CYTIP: variants seen among roughly 807,000 people sequenced by gnomAD.
The protein encoded by CYTIP is cytohesin 1 interacting protein.
A neutral mutation model predicts 43.8 loss-of-function variants in CYTIP; 26 were observed. That is an observed-to-expected ratio of 0.59 (90% CI 0.44 to 0.82). The LOEUF (loss-of-function observed/expected upper bound fraction) is 0.82. Ranked by LOEUF, CYTIP falls within the 40% of genes least tolerant of loss-of-function variation. The pLI is 0.00. For synonymous variants in CYTIP, 162 were observed against 162.9 expected (o/e 0.99, Z 0.04); for missense variants, 426 against 443.1 (o/e 0.96, Z 0.35).
intron 5 of CYTIP, 143 bp from the exon 6 acceptor site, chr2:157,427,563 G>T (rs1685633596): frequency 4.0e-6 from 2 of 505,024 alleles, no homozygotes; most frequent in Admixed American, 4.2e-5. Flanking sequence ...CAGTTCTCAT[G>T]GCACTTCGAG....
intron 7 of CYTIP, 43 bp from the exon 8 acceptor site, chr2:157,416,186 C>T: frequency 6.8e-7 from 1 of 1,465,330 alleles, no homozygotes; most frequent in Non-Finnish European, 9.3e-7. Flanking sequence ...GTTCATTACT[C>T]CCTACAAATA....
At chr2:157,421,112 G>A (rs889800991) in intron 6 of CYTIP, among the ~76,000 whole-genome samples, 1 of 152,186 alleles carries the variant, frequency 6.6e-6, no homozygotes, top group Non-Finnish European at 1.5e-5. Context: ...CTGTAACCAA[G>A]CTTCCCTATT....
chr2:157,417,673 C>T (rs1685457772), intron 7 of CYTIP, among the ~76,000 whole-genome samples: 1 of 150,644 alleles, frequency 6.6e-6, no homozygotes, highest in Non-Finnish European at 1.5e-5. Context: ...GTAACTTGTA[C>T]ATAAGTTTCA....
intron 1 of CYTIP, 45 bp from the exon 2 acceptor site, chr2:157,434,792 T>C (rs748830801): frequency 2.8e-6 from 4 of 1,404,526 alleles, no homozygotes; most frequent in Non-Finnish European, 4.0e-6. Flanking sequence ...GTCTTCAAGA[T>C]ACACTGTAAA....
chr2:157,439,632 A>C (rs1163307569), intron 1 of CYTIP, among the ~76,000 whole-genome samples: 2 of 152,230 alleles, frequency 1.3e-5, no homozygotes, highest in Non-Finnish European at 2.9e-5. Context: ...AATTCACAGC[A>C]TATGCTGGCA....
intron 7 of CYTIP, 140 bp from the exon 8 acceptor site, chr2:157,416,283 A>G: frequency 1.4e-6 from 1 of 690,018 alleles, no homozygotes; most frequent in Non-Finnish European, 2.4e-6. Context: ...GCGTGCTTGA[A>G]TAAGTAACTG....
chr2:157,441,883 T>C (rs1397858928), intron 1 of CYTIP, among the ~76,000 whole-genome samples: 1 of 152,192 alleles, frequency 6.6e-6, no homozygotes. Flanking sequence ...ATCCACTACA[T>C]TTCTACAATA....
chr2:157,438,052 T>C (rs1573862767), intron 1 of CYTIP, among the ~76,000 whole-genome samples: 2 of 152,228 alleles, frequency 1.3e-5, no homozygotes, highest in East Asian at 3.8e-4. Context: ...GAAATCATTA[T>C]ATCGAAGAGA....
chr2:157,425,828 CT>C (rs146293129), intron 6 of CYTIP, among the ~76,000 whole-genome samples: 5,296 of 152,130 alleles, frequency 0.035, 155 homozygotes, highest in African/African-American at 0.076. Context: ...CTGTTTACCC[CT>C]CATAAAAATG....
intron 1 of CYTIP, among the ~76,000 whole-genome samples, chr2:157,435,318 C>A (rs1685793524): frequency 6.6e-6 from 1 of 152,166 alleles, no homozygotes; most frequent in Non-Finnish European, 1.5e-5. Flanking sequence ...ATAAAATAAT[C>A]TCTAAACAAC....
intron 7 of CYTIP, among the ~76,000 whole-genome samples, chr2:157,417,425 C>A (rs1182898264): frequency 6.6e-6 from 1 of 152,106 alleles, no homozygotes; most frequent in African/African-American, 2.4e-5. Flanking sequence ...GTTGTCTATA[C>A]AAGGCTGTTT....
intron 1 of CYTIP, chr2:157,439,284 T>A (rs1685864388): frequency 6.6e-6 from 1 of 152,380 alleles, no homozygotes; most frequent in South Asian, 2.0e-4. Context: ...ACCGTCAAAT[T>A]CTCTGACACG....
intron 2 of CYTIP, 51 bp from the exon 3 acceptor site, chr2:157,434,475 A>T (rs1558940805): frequency 7.4e-7 from 1 of 1,359,260 alleles, no homozygotes; most frequent in African/African-American, 1.4e-5. Flanking sequence ...AAAGTATCAC[A>T]TTTGGCACAG....
At chr2:157,441,189 T>C (rs939064106) in intron 1 of CYTIP, among the ~76,000 whole-genome samples, 2 of 152,188 alleles carry the variant, frequency 1.3e-5, no homozygotes, top group Non-Finnish European at 2.9e-5. Flanking sequence ...CCTGAAAGTG[T>C]TGAAAATAAC....
intron 1 of CYTIP, among the ~76,000 whole-genome samples, chr2:157,443,541 A>T (rs1376130734): frequency 6.6e-6 from 1 of 152,252 alleles, no homozygotes; most frequent in Non-Finnish European, 1.5e-5. Context: ...TAATTCTCAT[A>T]CTGGTTGTAT....
chr2:157,429,410 T>A (rs1352083127), intron 5 of CYTIP, among the ~76,000 whole-genome samples: 2 of 152,178 alleles, frequency 1.3e-5, no homozygotes, highest in African/African-American at 4.8e-5. Flanking sequence ...CTAGCAGCCT[T>A]CTTACCTAGC....
chr2:157,435,433 C>T (rs1255236901), intron 1 of CYTIP, among the ~76,000 whole-genome samples: 1 of 152,080 alleles, frequency 6.6e-6, no homozygotes. Flanking sequence ...AATTTCCAGC[C>T]AAGAAAGGAA....
intron 6 of CYTIP, among the ~76,000 whole-genome samples, chr2:157,425,066 T>A (rs1558938269): frequency 6.6e-6 from 1 of 152,016 alleles, no homozygotes; most frequent in East Asian, 1.9e-4. Flanking sequence ...ATTAAGGACT[T>A]AAAGGAAAAA....
chr2:157,425,379 A>G (rs1685587619), intron 6 of CYTIP, among the ~76,000 whole-genome samples: 1 of 152,168 alleles, frequency 6.6e-6, no homozygotes, highest in Non-Finnish European at 1.5e-5. Context: ...CAAAACGAAC[A>G]AGTTGGTGTA....
Sources: allele counts gnomAD v4.1 joint callset (sites outside exome capture counted in the v4.1 genomes callset), GRCh38; gene constraint gnomAD v4.1.1; transcripts MANE v1.5; gene names NCBI Gene and HGNC (gene_info 2026-07-23, HGNC 2026-07-21).